Variants in RSRC1 observed in about 807,000 individuals in gnomAD.
RSRC1 encodes the protein arginine and serine rich coiled-coil 1.
A neutral mutation model predicts 49.1 loss-of-function variants in RSRC1; 39 were observed. The ratio of observed to expected loss-of-function variants is 0.79; its 90% CI spans 0.61 to 1.04. The LOEUF (loss-of-function observed/expected upper bound fraction) is 1.04. Among genes scored for constraint, RSRC1 ranks in the 50% least tolerant of loss-of-function variants. The pLI, the probability that RSRC1 is intolerant of heterozygous loss-of-function variation, is 0.00. For synonymous variants in RSRC1, 143 were observed against 130.8 expected (o/e 1.09, Z -0.63); for missense variants, 388 against 402.4 (o/e 0.96, Z 0.31).
intron 5 of RSRC1, among the ~76,000 whole-genome samples, chr3:158,345,767 G>A (rs1730516614): frequency 8.0e-6 from 1 of 125,202 alleles, no homozygotes. Flanking sequence ...TCATATATAT[G>A]TGTGTGTGTA....
chr3:158,525,459 A>G (rs1576607791), intron 7 of RSRC1, among the ~76,000 whole-genome samples: 1 of 151,956 alleles, frequency 6.6e-6, no homozygotes, highest in Non-Finnish European at 1.5e-5. Flanking sequence ...TTGGGAACAT[A>G]AAATGGTATA....
chr3:158,430,076 A>AAAAAATAAAAT (rs528618951), intron 6 of RSRC1, among the ~76,000 whole-genome samples: 1 of 149,558 alleles, frequency 6.7e-6, no homozygotes, highest in African/African-American at 2.5e-5. Flanking sequence ...CACACACAAA[A>AAAAAATAAAAT]AAAATAAAAT....
intron 3 of RSRC1, among the ~76,000 whole-genome samples, chr3:158,141,623 T>C (rs913610086): frequency 6.6e-6 from 1 of 152,208 alleles, no homozygotes; most frequent in African/African-American, 2.4e-5. Context: ...CTATTTCATC[T>C]TAAGTTCTAA....
At chr3:158,530,799 T>C (rs956081470) in intron 7 of RSRC1, among the ~76,000 whole-genome samples, 1 of 150,974 alleles carries the variant, frequency 6.6e-6, no homozygotes, top group South Asian at 2.1e-4. Context: ...CCCTTAAAAC[T>C]CACCACTGAG....
chr3:158,267,829 CTCTTT>C (rs1319271301), intron 4 of RSRC1, among the ~76,000 whole-genome samples: 3 of 111,502 alleles, frequency 2.7e-5, no homozygotes, highest in East Asian at 6.6e-4. Context: ...TTTTGATTTA[CTCTTT>C]TCTTATGCTG....
intron 5 of RSRC1, among the ~76,000 whole-genome samples, chr3:158,334,697 T>C (rs1304034198): frequency 7.9e-6 from 1 of 126,910 alleles, no homozygotes; most frequent in Non-Finnish European, 1.7e-5. Flanking sequence ...ATGTGTTGTG[T>C]TTTAGTAGAG....
chr3:158,452,122 G>A (rs188748475), intron 6 of RSRC1, among the ~76,000 whole-genome samples: 1 of 152,168 alleles, frequency 6.6e-6, no homozygotes, highest in Non-Finnish European at 1.5e-5. Context: ...TTTGATTACT[G>A]TTTGCTTCCA....
At chr3:158,470,695 TAGAG>T (rs1738098973) in intron 7 of RSRC1, among the ~76,000 whole-genome samples, 1 of 152,160 alleles carries the variant, frequency 6.6e-6, no homozygotes, top group South Asian at 2.1e-4. Flanking sequence ...TGTTTTAAAA[TAGAG>T]AAAGCTGAAT....
chr3:158,451,920 T>C (rs547731087), intron 6 of RSRC1, among the ~76,000 whole-genome samples: 2 of 152,140 alleles, frequency 1.3e-5, no homozygotes, highest in South Asian at 4.1e-4. Flanking sequence ...TTTAATAGTG[T>C]TTTCAAGAGA....
intron 5 of RSRC1, among the ~76,000 whole-genome samples, chr3:158,300,785 G>A (rs1727499766): frequency 6.6e-6 from 1 of 152,092 alleles, no homozygotes; most frequent in Non-Finnish European, 1.5e-5. Flanking sequence ...ATCATAGAGA[G>A]CATTGTTCTA....
intron 7 of RSRC1, among the ~76,000 whole-genome samples, chr3:158,516,721 C>T (rs931056027): frequency 6.6e-6 from 1 of 152,196 alleles, no homozygotes; most frequent in Admixed American, 6.5e-5. Flanking sequence ...AGTTTGATCT[C>T]AGACTGCTGT....
At position 158,521,377 on chromosome 3, in the gene RSRC1, C is replaced by A. The variant is rs115533376; in HGVS notation, c.653-15715C>A. Among the ~76,000 whole-genome samples the A allele has an allele frequency of 7.2e-3, 1,099 of 152,142 alleles. 7 individuals are homozygous for A. The highest frequency in any genetic ancestry group is 0.01 in the Middle Eastern group (3 of 294). On this transcript the variant is annotated intron_variant, in intron 7 of 9. Transcript: ENST00000611884. ...CGGAACCCCTTGTCCTGCCTTATCCCCAGGGTTTAGCACCCACACAATCCT... is the reference window on the plus strand; with the variant it reads ...CGGAACCCCTTGTCCTGCCTTATCCACAGGGTTTAGCACCCACACAATCCT...
intron 6 of RSRC1, among the ~76,000 whole-genome samples, chr3:158,386,441 CATTATA>C (rs1233569608): frequency 1.3e-5 from 2 of 151,960 alleles, no homozygotes; most frequent in African/African-American, 4.8e-5. Context: ...AATTTATTCT[CATTATA>C]AAGTAAGAAC....
intron 5 of RSRC1, among the ~76,000 whole-genome samples, chr3:158,333,490 TGTGTTTGATCTTTTTTA>T (rs1431442786): frequency 2.0e-5 from 3 of 152,234 alleles, no homozygotes; most frequent in African/African-American, 7.2e-5. Context: ...AAATAAAGTA[TGTGTTTGATCTTTTTTA>T]GTTGGTTAAT....
intron 7 of RSRC1, among the ~76,000 whole-genome samples, chr3:158,492,681 A>T (rs1049584663): frequency 6.6e-6 from 1 of 152,174 alleles, no homozygotes; most frequent in Non-Finnish European, 1.5e-5. Flanking sequence ...CATTTTATTT[A>T]TCTTCTCAGT....
intron 3 of RSRC1, among the ~76,000 whole-genome samples, chr3:158,140,812 C>T (rs1326744253): frequency 6.6e-6 from 1 of 152,080 alleles, no homozygotes; most frequent in Non-Finnish European, 1.5e-5. Context: ...TAAAAAGAAA[C>T]ATTGTTTATG....
chr3:158,535,653 A>C (rs1424539571), intron 7 of RSRC1, among the ~76,000 whole-genome samples: 1 of 151,414 alleles, frequency 6.6e-6, no homozygotes, highest in African/African-American at 2.4e-5. Flanking sequence ...ACTATTATTA[A>C]GCCATAACTA....
intron 3 of RSRC1, among the ~76,000 whole-genome samples, chr3:158,149,669 A>G (rs1009143826): frequency 6.6e-6 from 1 of 152,218 alleles, no homozygotes. Flanking sequence ...TGCTATAGGT[A>G]TTCAGATTTC....
intron 7 of RSRC1, among the ~76,000 whole-genome samples, chr3:158,492,755 C>T (rs1005737717): frequency 6.6e-6 from 1 of 152,154 alleles, no homozygotes; most frequent in Non-Finnish European, 1.5e-5. Flanking sequence ...TGTAAGGAAT[C>T]GTCAAGATCA....
Sources: allele counts gnomAD v4.1 joint callset (sites outside exome capture counted in the v4.1 genomes callset), GRCh38; gene constraint gnomAD v4.1.1; transcripts MANE v1.5; gene names NCBI Gene and HGNC (gene_info 2026-07-23, HGNC 2026-07-21).